The following ATP9B variants were observed in gnomAD, a reference collection of about 807,000 sequenced individuals.
The protein encoded by ATP9B is ATPase phospholipid transporting 9B.
In ATP9B, 110 loss-of-function variants were observed where a neutral mutation model predicts 146.1. The ratio of observed to expected loss-of-function variants is 0.75; its 90% CI spans 0.65 to 0.88. ATP9B has a LOEUF of 0.88. Among genes scored for constraint, ATP9B ranks in the 40% least tolerant of loss-of-function variants. The pLI, the probability that ATP9B is intolerant of heterozygous loss-of-function variation, is 0.00. For synonymous variants in ATP9B, 604 were observed against 569.7 expected, an observed-to-expected ratio of 1.06 and a Z score of -0.86; for missense variants, 1,499 against 1,496.4, an observed-to-expected ratio of 1.00 and a Z score of -0.03.
Position 79,337,279 on chromosome 18 carries a change from A to G in ATP9B, c.2113A>G (p.Ser705Gly). The G allele has an allele frequency of 6.2e-7, 1 of 1,613,832 alleles. No individual in the cohort carries two copies. The highest frequency in any genetic ancestry group is 8.5e-7 in the Non-Finnish European group (1 of 1,179,934). The change falls in exon 19 of 30, where the codon AGC (serine) becomes GGC (glycine). Residue 705 changes from serine (S) to glycine (G), a missense_variant and splice_region_variant. By Grantham distance (56) the Ser-to-Gly change is moderately conservative. Coordinates refer to ENST00000426216, the MANE Select transcript of ATP9B (RefSeq NM_198531.5). ...LTEEQYQDFESRYTQAKLSMH... is the reference protein window; with the variant it reads ...LTEEQYQDFEGRYTQAKLSMH... Reference sequence around the variant, plus strand: ...CAGGCGCCTCCCCCTCTGTCCCCAGAGCCGATACACTCAAGCCAAGCTGAG... The same window carrying G: ...CAGGCGCCTCCCCCTCTGTCCCCAGGGCCGATACACTCAAGCCAAGCTGAG...
At chr18:79,095,603 T>A (rs1192461271) in intron 1 of ATP9B, 1 of 152,208 alleles carries the variant, frequency 6.6e-6, no homozygotes, top group Non-Finnish European at 1.5e-5. Context: ...TTAAAAAAGA[T>A]TTCAATATAA....
At chr18:79,126,911 T>C (rs1487768281) in intron 5 of ATP9B, among the ~76,000 whole-genome samples, 1 of 152,206 alleles carries the variant, frequency 6.6e-6, no homozygotes, top group Non-Finnish European at 1.5e-5. Flanking sequence ...GCTTGTTTAT[T>C]TGATTTTTCA....
intron 7 of ATP9B, among the ~76,000 whole-genome samples, chr18:79,176,345 A>G: frequency 6.6e-6 from 1 of 152,232 alleles, no homozygotes; most frequent in Admixed American, 6.5e-5. Context: ...GCATATGGTA[A>G]CATTTACCTG....
chr18:79,206,615 T>C (rs992816479), intron 9 of ATP9B, among the ~76,000 whole-genome samples: 4 of 127,662 alleles, frequency 3.1e-5, no homozygotes, highest in Non-Finnish European at 6.4e-5. Context: ...GGCAGCATAA[T>C]AACACCTCAT....
chr18:79,375,544 C>G, intron 29 of ATP9B, 118 bp downstream of exon 29: 1 of 1,508,254 alleles, frequency 6.6e-7, no homozygotes, highest in Non-Finnish European at 8.9e-7. Flanking sequence ...CTCAGGAACT[C>G]TCTGATGTCA....
chr18:79,094,659 A>G (rs2074636569), intron 1 of ATP9B, among the ~76,000 whole-genome samples: 1 of 152,188 alleles, frequency 6.6e-6, no homozygotes, highest in East Asian at 1.9e-4. Flanking sequence ...CTGTGGCTAG[A>G]AAGGGTGGGT....
At chr18:79,327,070 G>T (rs577479408) in intron 15 of ATP9B, among the ~76,000 whole-genome samples, 44 of 152,370 alleles carry the variant, frequency 2.9e-4, no homozygotes, top group African/African-American at 1.0e-3. Context: ...CTTTGCTACA[G>T]TCTCTCTAAG....
At position 79,307,091 on chromosome 18, in the gene ATP9B, G is replaced by T; in HGVS notation, c.1630G>T (p.Ala544Ser). ...AAGTGTCAGTAGTCGAATCCATGAA[G>T]CCGTGAAAGCCATCGTGCTGTGTCA... ...RKSVSSRIHE[A>S]VKAIVLCHNV... is the part of the protein sequence containing the mutation. The change falls in exon 15 of 30, where the codon GCC becomes TCC. Residue 544 changes from alanine to serine, a missense_variant. Coordinates refer to ENST00000426216, the MANE Select transcript of ATP9B (RefSeq NM_198531.5). 1 of 1,614,206 alleles carries T rather than the reference G, an allele frequency of 6.2e-7. No homozygotes were observed. Among genetic ancestry groups the T allele is most frequent in the Non-Finnish European group, 8.5e-7 (1 of 1,180,042 alleles).
chr18:79,088,247 T>G (rs1187677218), intron 1 of ATP9B, among the ~76,000 whole-genome samples: 1 of 152,250 alleles, frequency 6.6e-6, no homozygotes, highest in Non-Finnish European at 1.5e-5. Flanking sequence ...TGACTTTTAC[T>G]AAAATAAGAC....
In ATP9B at chr18:79,359,463, G is replaced by T. The variant is rs747543064; in HGVS notation, c.3012+1G>T. 2.2e-5 allele frequency: 36 copies of T among 1,610,530 alleles called. No homozygotes were observed. Among genetic ancestry groups the T allele is most frequent in the Non-Finnish European group, 3.1e-5 (36 of 1,176,918 alleles). The stretch of plus-strand genomic sequence containing the variant: ...GGAGCTGTACAAGGACCTCACCAAG[G>T]TACGGGCCTCAGGCAAGCTGTCTGC... On this transcript the variant is annotated splice_donor_variant, in intron 26 of 29. Coordinates refer to ENST00000426216, the MANE Select transcript of ATP9B (RefSeq NM_198531.5). LOFTEE classifies it high-confidence loss of function.
Position 79,377,373 on chromosome 18 carries a change from T to A in ATP9B, c.3434T>A (p.Leu1145Gln). ...CTCTCTCCTCCCAGCTACTGCAAGC[T>A]GGCCTCCTAAGGGGCTGTGCACCCC... ...RKLSPPSYCK[L>Q]AS is the part of the protein sequence containing the mutation. Residue 1145 changes from leucine to glutamine, a missense_variant, in exon 30 of 30, where the codon CTG (leucine) becomes CAG (glutamine). Leu to Gln is a moderately radical substitution (Grantham distance 113). Coordinates refer to ENST00000426216, the MANE Select transcript of ATP9B (RefSeq NM_198531.5). 1 of 1,608,416 alleles carries A rather than the reference T, an allele frequency of 6.2e-7. No homozygotes were observed. Among genetic ancestry groups the A allele is most frequent in the Non-Finnish European group, 8.5e-7 (1 of 1,179,990 alleles).
At chr18:79,370,692 C>A (rs917622154) in intron 26 of ATP9B, among the ~76,000 whole-genome samples, 2 of 152,104 alleles carry the variant, frequency 1.3e-5, no homozygotes, top group African/African-American at 4.8e-5. Flanking sequence ...TTTTATTAAT[C>A]TATAATATCA....
At chr18:79,375,492 TTAACTAA>T (rs2097097648) in intron 29 of ATP9B, 66 bp downstream of exon 29, 19 of 1,570,248 alleles carry the variant, frequency 1.2e-5, no homozygotes, top group Admixed American at 1.8e-5. Flanking sequence ...ATAAAGATAC[TTAACTAA>T]TAAGAAAAAC....
intron 9 of ATP9B, among the ~76,000 whole-genome samples, chr18:79,197,324 G>A (rs2095425941): frequency 6.6e-6 from 1 of 151,514 alleles, no homozygotes; most frequent in Admixed American, 6.6e-5. Flanking sequence ...GATATGTTTG[G>A]AAATAGGAAA....
chr18:79,259,504 C>T (rs1401586363), intron 12 of ATP9B, among the ~76,000 whole-genome samples: 2 of 151,792 alleles, frequency 1.3e-5, no homozygotes, highest in African/African-American at 2.4e-5. Flanking sequence ...TCTGAGAACA[C>T]TGAAGAACCT....
chr18:79,238,533 G>A (rs920707492), intron 11 of ATP9B, among the ~76,000 whole-genome samples: 2 of 152,156 alleles, frequency 1.3e-5, no homozygotes, highest in Non-Finnish European at 2.9e-5. Context: ...GTACTCCCTG[G>A]TCTTGGGAGG....
intron 15 of ATP9B, among the ~76,000 whole-genome samples, chr18:79,328,234 G>T (rs2096771995): frequency 6.6e-6 from 1 of 152,194 alleles, no homozygotes; most frequent in Non-Finnish European, 1.5e-5. Flanking sequence ...TGTGCCTTTA[G>T]CTGCATAATA....
In ATP9B at chr18:79,266,074, T is replaced by C. The variant is rs180986974; in HGVS notation, c.1269-10980T>C. ...AGTGTGCAGTCTTAGTTCTGGGTTCTCTATTCTGTTTCATTCATCCTTGTG... is the reference window on the plus strand; with the variant it reads ...AGTGTGCAGTCTTAGTTCTGGGTTCCCTATTCTGTTTCATTCATCCTTGTG... On this transcript the variant is annotated intron_variant, in intron 12 of 29. Coordinates refer to ENST00000426216, the MANE Select transcript of ATP9B (RefSeq NM_198531.5). Among the ~76,000 whole-genome samples the C allele has an allele frequency of 4.6e-5, 7 of 152,332 alleles. 1 individual carries two copies. Among genetic ancestry groups the C allele is most frequent in the African/African-American group, 1.7e-4 (7 of 41,576 alleles).
intron 26 of ATP9B, chr18:79,360,920 A>C (rs986237213): frequency 6.6e-6 from 1 of 152,268 alleles, no homozygotes; most frequent in Non-Finnish European, 1.5e-5. Context: ...GCAAAGATCC[A>C]AAAACTTCGG....
Sources: gnomAD v4.1 joint callset for allele counts (sites outside exome capture counted in the v4.1 genomes callset) on GRCh38, gnomAD v4.1.1 for gene constraint, MANE v1.5 for transcripts, NCBI Gene and HGNC (gene_info 2026-07-23, HGNC 2026-07-21) for gene names.